The following PSG5 variants were observed in gnomAD, a reference collection of about 807,000 sequenced individuals.
The protein encoded by PSG5 is pregnancy-specific beta-1-glycoprotein 5.
Under a neutral mutation model 37.7 loss-of-function variants are expected in PSG5, and 53 were observed. The observed-to-expected ratio is 1.41, with a 90% CI of 1.13 to 1.77. The LOEUF (loss-of-function observed/expected upper bound fraction) is 1.77. PSG5 is among the 40% of genes most tolerant of loss of function. The probability of loss-of-function intolerance (pLI) is 0.00; values close to 1 mark genes in which losing one functional copy is unlikely to be tolerated. For missense variants in PSG5, 547 were observed against 405.2 expected (o/e 1.35, Z -3.00); for synonymous variants, 221 against 155.4 (o/e 1.42, Z -3.14).
At position 43,184,946 on chromosome 19, in the gene PSG5, T is replaced by C. The variant is rs745773766; in HGVS notation, c.266A>G (p.Asn89Ser). The change falls in exon 2 of 6, where the codon AAT becomes AGT. Residue 89 changes from asparagine (N) to serine (S), a missense_variant. Physicochemically the swap from Asn to Ser is conservative, Grantham distance 46. Coordinates refer to ENST00000342951, the MANE Select transcript of PSG5 (RefSeq NM_002781.4). ...ITSYVVDGQINIYGPAYTGRE... is the reference protein window; with the variant it reads ...ITSYVVDGQISIYGPAYTGRE... ...TCCAGTGTATGCAGGCCCATATATA[T>C]TTATTTGACCGTCTACTACATATGA... 1 of 1,612,466 alleles carries C rather than the reference T, an allele frequency of 6.2e-7. No homozygotes were observed. The highest frequency in any genetic ancestry group is 1.1e-5 in the South Asian group (1 of 91,038).
chr19:43,169,683 T>A (rs1968862532), intron 5 of PSG5, among the ~76,000 whole-genome samples: 1 of 151,704 alleles, frequency 6.6e-6, no homozygotes, highest in Non-Finnish European at 1.5e-5. Flanking sequence ...CAAGGAAGGT[T>A]TCAAAGTCTG....
At chr19:43,174,561 C>T (rs1418406222) in intron 4 of PSG5, 20 of 915,340 alleles carry the variant, frequency 2.2e-5, no homozygotes, top group Non-Finnish European at 7.8e-6. Context: ...AGGAGTCTTC[C>T]CTGAGGCTCC....
At chr19:43,180,440 T>C (rs894843260) in intron 2 of PSG5, 3 of 151,690 alleles carry the variant, frequency 2.0e-5, no homozygotes, top group Non-Finnish European at 2.9e-5. Context: ...AATGCGCCAG[T>C]GAGCACTTCT....
intron 5 of PSG5, 162 bp downstream of exon 5, chr19:43,169,893 G>A: frequency 6.5e-6 from 3 of 461,742 alleles, no homozygotes; most frequent in South Asian, 5.8e-5. Context: ...GGAGCATAAA[G>A]GCCAGGGAGA....
intron 2 of PSG5, among the ~76,000 whole-genome samples, chr19:43,184,440 C>G (rs533189277): frequency 6.6e-6 from 1 of 151,588 alleles, no homozygotes; most frequent in African/African-American, 2.4e-5. Context: ...CAGGGGGCCC[C>G]TCAGGCCAAA....
At chr19:43,178,733 T>G (rs1969063679) in intron 2 of PSG5, 3 of 1,564,736 alleles carry the variant, frequency 1.9e-6, no homozygotes, top group Non-Finnish European at 1.8e-6. Flanking sequence ...TACTCTGTTT[T>G]GCCTGGGGCA....
At chr19:43,183,275 G>C (rs529741531) in intron 2 of PSG5, 1 of 361,202 alleles carries the variant, frequency 2.8e-6, no homozygotes, top group East Asian at 8.0e-5. Flanking sequence ...GGGGCAAGAG[G>C]TAGTGGGGGG....
chr19:43,185,126 T>G lies in PSG5; in HGVS notation c.86A>C (p.Asn29Thr), dbSNP rs1444555649. Residue 29 changes from asparagine to threonine, a missense_variant, in exon 2 of 6, where the codon AAC becomes ACC. Transcript: ENST00000342951. ...LLTASLLNFW[N>T]LPITAQVTIE... ...CGTGACTTGAGCAGTGATAGGCAGG[T>G]TCCAGAAGTTTAAAAGTGATGCTAG... 1 of 1,607,372 alleles carries G rather than the reference T, an allele frequency of 6.2e-7. No individual in the cohort carries two copies. Among genetic ancestry groups the G allele is most frequent in the Non-Finnish European group, 8.5e-7 (1 of 1,176,338 alleles).
intron 5 of PSG5, among the ~76,000 whole-genome samples, chr19:43,169,483 G>A (rs1968857789): frequency 6.6e-6 from 1 of 151,588 alleles, no homozygotes; most frequent in Non-Finnish European, 1.5e-5. Context: ...TGGGTGAAGG[G>A]GCAGGGATGT....
At chr19:43,168,554 A>G (rs1034326414) in intron 5 of PSG5, among the ~76,000 whole-genome samples, 7 of 151,480 alleles carry the variant, frequency 4.6e-5, no homozygotes, top group African/African-American at 1.7e-4. Flanking sequence ...TTGCATTTTT[A>G]GTAGAGACGG....
At position 43,174,497 on chromosome 19, in the gene PSG5, A is replaced by G. The variant is rs183804453; in HGVS notation, c.964+718T>C. 384 of 765,026 alleles carry G rather than the reference A, an allele frequency of 5.0e-4. 6 individuals are homozygous for G. In the African/African-American group the frequency reaches 5.8e-3, roughly 12 times the overall value. The allele number at this position is 765,026 out of a possible 1,614,324, so 47.4% of individuals were successfully genotyped here. On this transcript the variant is annotated intron_variant, in intron 4 of 5. Transcript: ENST00000342951. ...CACTATCCTCCGTGCTGTGTCCCACATGCTGTGCCCACAACCTCATACAAC... is the reference window on the plus strand; with the variant it reads ...CACTATCCTCCGTGCTGTGTCCCACGTGCTGTGCCCACAACCTCATACAAC...
chr19:43,171,707 T>C lies in PSG5; in HGVS notation c.965-1569A>G, dbSNP rs146668072. On this transcript the variant is annotated intron_variant, in intron 4 of 5. Coordinates refer to ENST00000342951, the MANE Select transcript of PSG5 (RefSeq NM_002781.4). Reference sequence around the variant, plus strand: ...AATGGACTCTGAGCATGGTGGGTCATGTTTTAATCCTAGCACTTTGGGAGG... The same window carrying C: ...AATGGACTCTGAGCATGGTGGGTCACGTTTTAATCCTAGCACTTTGGGAGG... Among the ~76,000 whole-genome samples the C allele has an allele frequency of 7.9e-5, 12 of 151,594 alleles. 1 individual carries two copies. The East Asian group carries it at 2.1e-3, about 27-fold the overall frequency.
chr19:43,173,986 G>T (rs188540287), intron 4 of PSG5: 1 of 151,780 alleles, frequency 6.6e-6, no homozygotes, highest in East Asian at 1.9e-4. Flanking sequence ...AAAGATAAGT[G>T]GGTAGGCAAA....
Position 43,176,051 on chromosome 19 carries a change from G to A in PSG5, c.528C>T (p.Tyr176=). Residue 176 remains tyrosine, a synonymous_variant, in exon 3 of 6, where the codon TAC becomes TAT. Transcript: ENST00000342951. Reference sequence around the variant, plus strand: ...GACCATTTAGCCACCAAATGTAGGTGTAGTTCTCACTCTTAGGTTCACAGG... The same window carrying A: ...GACCATTTAGCCACCAAATGTAGGTATAGTTCTCACTCTTAGGTTCACAGG... ...AFTCEPKSEN[Y]TYIWWLNGQS... 3 of 1,611,136 alleles carry A rather than the reference G, an allele frequency of 1.9e-6. No homozygotes were observed. Among genetic ancestry groups the A allele is most frequent in the Non-Finnish European group, 2.5e-6 (3 of 1,179,230 alleles).
In PSG5 at chr19:43,184,840, G is replaced by A. The variant is rs1599756688; in HGVS notation, c.372C>T (p.Ile124=). ...CTCTAGTCCTATCACCTCGCTTTAT[G>A]ATGTGTAAGGTGTAGGATCCTGCGT... The part of the protein sequence containing the change: ...REDAGSYTLH[I]IKRGDRTRGV... Residue 124 remains isoleucine (I), a synonymous_variant, in exon 2 of 6, where the codon ATC becomes ATT. Transcript: ENST00000342951. 3 of 1,612,326 alleles carry A rather than the reference G, an allele frequency of 1.9e-6. No homozygotes were observed. The highest frequency in any genetic ancestry group is 1.3e-5 in the African/African-American group (1 of 74,474).
chr19:43,186,266 C>T lies in PSG5; in HGVS notation c.64+76G>A, dbSNP rs906965688. On this transcript the variant is annotated intron_variant, in intron 1 of 5. Transcript: ENST00000342951. Reference sequence around the variant, plus strand: ...GCTGGCTTCTTTTATTTTTTAGAACCCCATCCTCTCCAGGAGACCCAATCC... The same window carrying T: ...GCTGGCTTCTTTTATTTTTTAGAACTCCATCCTCTCCAGGAGACCCAATCC... The T allele has an allele frequency of 8.0e-5, 128 of 1,602,886 alleles. 2 individuals carry two copies. In the South Asian group the frequency reaches 1.3e-3, roughly 17 times the overall value.
chr19:43,176,244 C>A, intron 2 of PSG5, 96 bp from the exon 3 acceptor site: 4 of 1,544,056 alleles, frequency 2.6e-6, no homozygotes, highest in Admixed American at 1.8e-5. Context: ...ACCTGTCAAC[C>A]CACCAGAGTC....
At chr19:43,175,672 A>G in intron 3 of PSG5, 198 bp downstream of exon 3, 1 of 1,390,172 alleles carries the variant, frequency 7.2e-7, no homozygotes, top group Non-Finnish European at 9.7e-7. Context: ...CTCCCATGAC[A>G]AGAGCGCCCC....
chr19:43,173,126 G>T (rs1293377751), intron 4 of PSG5, among the ~76,000 whole-genome samples: 1 of 151,590 alleles, frequency 6.6e-6, no homozygotes, highest in Non-Finnish European at 1.5e-5. Flanking sequence ...AATGGGGAAC[G>T]GACAGTGTTC....
Sources: allele counts gnomAD v4.1 joint callset (sites outside exome capture counted in the v4.1 genomes callset), GRCh38; gene constraint gnomAD v4.1.1; transcripts MANE v1.5; gene names NCBI Gene and HGNC (gene_info 2026-07-23, HGNC 2026-07-21).